SH3GL2: variants seen among roughly 807,000 people sequenced by gnomAD.
The protein encoded by SH3GL2 is SH3 domain containing GRB2 like 2, endophilin A1, also known as endophilin-A1.
Under a neutral mutation model 46.0 loss-of-function variants are expected in SH3GL2, and 24 were observed. The observed-to-expected ratio is 0.52, with a 90% CI of 0.38 to 0.73. SH3GL2 has a LOEUF of 0.73. Ranked by LOEUF, SH3GL2 falls within the 30% of genes least tolerant of loss-of-function variation. SH3GL2 has a pLI of 0.00. For synonymous variants in SH3GL2, 196 were observed against 147.1 expected (o/e 1.33, Z -2.40); for missense variants, 413 against 424.2 (o/e 0.97, Z 0.23).
chr9:17,738,237 T>C (rs1031479369), intron 1 of SH3GL2, among the ~76,000 whole-genome samples: 3 of 152,042 alleles, frequency 2.0e-5, no homozygotes, highest in Non-Finnish European at 2.9e-5. Flanking sequence ...TAAGATGTTT[T>C]TGTCTCTTTT....
At chr9:17,753,141 C>A (rs1175519761) in intron 2 of SH3GL2, among the ~76,000 whole-genome samples, 1 of 152,166 alleles carries the variant, frequency 6.6e-6, no homozygotes, top group African/African-American at 2.4e-5. Flanking sequence ...CATGTCTTTG[C>A]TATTACGAAT....
At chr9:17,601,131 A>G (rs938609814) in intron 1 of SH3GL2, among the ~76,000 whole-genome samples, 3 of 152,118 alleles carry the variant, frequency 2.0e-5, no homozygotes, top group Non-Finnish European at 4.4e-5. Flanking sequence ...GCAGTGCTCA[A>G]CGTCTTCACC....
At chr9:17,758,576 A>AAAAAAAAAAAAAAAAAAAAG in intron 2 of SH3GL2, among the ~76,000 whole-genome samples, 1 of 131,344 alleles carries the variant, frequency 7.6e-6, no homozygotes, top group African/African-American at 3.5e-5. Context: ...AAAAAAAAAA[A>AAAAAAAAAAAAAAAAAAAAG]AAAAAAAAAA....
chr9:17,688,854 G>T (rs1241375811), intron 1 of SH3GL2, among the ~76,000 whole-genome samples: 1 of 152,008 alleles, frequency 6.6e-6, no homozygotes, highest in African/African-American at 2.4e-5. Context: ...ATAAATGGGG[G>T]AGAAGACACA....
chr9:17,723,004 G>C (rs1821933101), intron 1 of SH3GL2, among the ~76,000 whole-genome samples: 1 of 152,084 alleles, frequency 6.6e-6, no homozygotes, highest in Non-Finnish European at 1.5e-5. Flanking sequence ...AATTGTAAAA[G>C]ATGACTAGCA....
chr9:17,692,984 C>T (rs1187396613), intron 1 of SH3GL2, among the ~76,000 whole-genome samples: 1 of 152,090 alleles, frequency 6.6e-6, no homozygotes, highest in African/African-American at 2.4e-5. Context: ...ACCAGCTATT[C>T]AGTTACCTCC....
At chr9:17,685,769 G>A (rs111630954) in intron 1 of SH3GL2, among the ~76,000 whole-genome samples, 3,668 of 151,734 alleles carry the variant, frequency 0.024, 143 homozygotes, top group African/African-American at 0.085. Context: ...GATATGCGGC[G>A]TTATTTCTGA....
intron 1 of SH3GL2, among the ~76,000 whole-genome samples, chr9:17,616,913 A>C (rs182985756): frequency 1.3e-5 from 2 of 151,960 alleles, no homozygotes; most frequent in East Asian, 3.9e-4. Context: ...TCTGAATTCT[A>C]CTCCTTCCCC....
At chr9:17,770,473 G>T (rs1019043140) in intron 3 of SH3GL2, among the ~76,000 whole-genome samples, 1 of 152,172 alleles carries the variant, frequency 6.6e-6, no homozygotes, top group Admixed American at 6.5e-5. Flanking sequence ...AGGGTGACTT[G>T]TACAGGTTCA....
At chr9:17,739,912 A>G (rs1410509774) in intron 1 of SH3GL2, among the ~76,000 whole-genome samples, 1 of 152,114 alleles carries the variant, frequency 6.6e-6, no homozygotes, top group Admixed American at 6.6e-5. Flanking sequence ...GCATCATACA[A>G]ATCAATTTCT....
rs184156524 is a variant in SH3GL2, at chr9:17,608,839, A to G, written c.45+29552A>G. Among the ~76,000 whole-genome samples, 400 of 152,346 alleles carry G rather than the reference A, an allele frequency of 2.6e-3. 2 individuals carry two copies. The highest frequency in any genetic ancestry group is 4.5e-3 in the Admixed American group (69 of 15,310). On this transcript the variant is annotated intron_variant, in intron 1 of 8. Coordinates refer to ENST00000380607, the MANE Select transcript of SH3GL2 (RefSeq NM_003026.5). ...CGTACAAGTGGAAACAATTTAATCA[A>G]TCCTTTTTATTTTTATTGAATGTAG...
intron 1 of SH3GL2, among the ~76,000 whole-genome samples, chr9:17,738,561 C>CATAT (rs1311587329): frequency 0.31 from 13,305 of 42,532 alleles, 1,193 homozygotes; most frequent in Non-Finnish European, 0.35. Context: ...TGTGTATATA[C>CATAT]ATACATATAT....
At chr9:17,616,063 G>T (rs1818987819) in intron 1 of SH3GL2, among the ~76,000 whole-genome samples, 1 of 152,116 alleles carries the variant, frequency 6.6e-6, no homozygotes, top group Non-Finnish European at 1.5e-5. Context: ...TATTAATGAT[G>T]CCCTTGATCA....
At chr9:17,679,941 G>C (rs10963201) in intron 1 of SH3GL2, among the ~76,000 whole-genome samples, 41,726 of 151,996 alleles carry the variant, frequency 0.27, 6,894 homozygotes, top group East Asian at 0.51. Flanking sequence ...TTATTGATTT[G>C]CATATGTTGA....
intron 1 of SH3GL2, among the ~76,000 whole-genome samples, chr9:17,613,167 C>T (rs1202797109): frequency 6.6e-6 from 1 of 152,020 alleles, no homozygotes; most frequent in Non-Finnish European, 1.5e-5. Context: ...TTAGTGTGAC[C>T]ATTGCTTTTC....
chr9:17,768,387 A>C (rs968525102), intron 3 of SH3GL2, among the ~76,000 whole-genome samples: 15 of 151,932 alleles, frequency 9.9e-5, no homozygotes, highest in East Asian at 1.9e-4. Flanking sequence ...AAAAAAAAAA[A>C]AAAACACCAG....
chr9:17,738,241 C>G (rs767279505), intron 1 of SH3GL2, among the ~76,000 whole-genome samples: 1 of 151,620 alleles, frequency 6.6e-6, no homozygotes, highest in Non-Finnish European at 1.5e-5. Context: ...ATGTTTTTGT[C>G]TCTTTTTTTC....
chr9:17,753,826 C>G (rs548466299), intron 2 of SH3GL2, among the ~76,000 whole-genome samples: 20 of 152,234 alleles, frequency 1.3e-4, no homozygotes, highest in African/African-American at 3.6e-4. Flanking sequence ...ACATTTAAGT[C>G]TTTAATCCAT....
intron 1 of SH3GL2, among the ~76,000 whole-genome samples, chr9:17,734,642 C>T (rs10963232): frequency 0.19 from 28,740 of 152,006 alleles, 3,350 homozygotes; most frequent in East Asian, 0.38. Flanking sequence ...AGCAGTGATA[C>T]ATGTCACAAC....
Sources: allele counts gnomAD v4.1 joint callset (sites outside exome capture counted in the v4.1 genomes callset), GRCh38; gene constraint gnomAD v4.1.1; transcripts MANE v1.5; gene names NCBI Gene and HGNC (gene_info 2026-07-23, HGNC 2026-07-21).